The following CADM2 variants were observed in gnomAD, a reference collection of about 807,000 sequenced individuals.
CADM2 encodes cell adhesion molecule 2.
A neutral mutation model predicts 49.8 loss-of-function variants in CADM2; 12 were observed. The observed-to-expected ratio is 0.24, with a 90% confidence interval of 0.15 to 0.39. CADM2 has a LOEUF of 0.39. Ranked by LOEUF, CADM2 falls within the 10% of genes least tolerant of loss-of-function variation. CADM2 has a pLI of 1.00. For synonymous variants in CADM2, 214 were observed against 175.4 expected, an observed-to-expected ratio of 1.22 and a Z score of -1.74; for missense variants, 378 against 492.3, an observed-to-expected ratio of 0.77 and a Z score of 2.20.
chr3:85,760,339 CT>C (rs11452370), intron 2 of CADM2, among the ~76,000 whole-genome samples: 31 of 146,880 alleles, frequency 2.1e-4, no homozygotes, highest in Admixed American at 2.7e-4. Context: ...ATGGATACTT[CT>C]TTTTTTTTTT....
At chr3:85,188,577 TG>T (rs1049871465) in intron 1 of CADM2, among the ~76,000 whole-genome samples, 55 of 152,146 alleles carry the variant, frequency 3.6e-4, no homozygotes, top group African/African-American at 1.2e-3. Context: ...GAATTCAAGT[TG>T]TTTTTTTTCA....
At chr3:85,451,368 G>C (rs1395585467) in intron 1 of CADM2, among the ~76,000 whole-genome samples, 2 of 151,970 alleles carry the variant, frequency 1.3e-5, no homozygotes, top group African/African-American at 4.8e-5. Context: ...AATTGTTTTA[G>C]GAAAAGGAAT....
intron 1 of CADM2, among the ~76,000 whole-genome samples, chr3:85,723,174 A>G (rs1429571637): frequency 1.3e-5 from 2 of 152,154 alleles, no homozygotes; most frequent in Non-Finnish European, 2.9e-5. Context: ...TTACAATTTT[A>G]ATATTATAAC....
At chr3:85,867,297 A>G (rs2075759908) in intron 3 of CADM2, among the ~76,000 whole-genome samples, 1 of 152,044 alleles carries the variant, frequency 6.6e-6, no homozygotes, top group Non-Finnish European at 1.5e-5. Context: ...TTGTGTCACC[A>G]TCACAGACAA....
intron 1 of CADM2, among the ~76,000 whole-genome samples, chr3:85,014,370 G>A (rs1354856089): frequency 1.3e-5 from 2 of 151,730 alleles, no homozygotes; most frequent in South Asian, 2.1e-4. Context: ...AGTTATTGTT[G>A]TTAATCTCTT....
intron 1 of CADM2, among the ~76,000 whole-genome samples, chr3:85,723,462 G>A (rs1432075348): frequency 6.6e-6 from 1 of 152,052 alleles, no homozygotes; most frequent in Non-Finnish European, 1.5e-5. Flanking sequence ...TGACATTCAT[G>A]ACAGTATTCC....
chr3:85,101,030 C>T (rs765433435), intron 1 of CADM2, among the ~76,000 whole-genome samples: 12 of 152,006 alleles, frequency 7.9e-5, no homozygotes, highest in Non-Finnish European at 1.5e-4. Flanking sequence ...CCAAGGCAGG[C>T]GGATCACAAG....
At chr3:85,495,347 A>C (rs1205164739) in intron 1 of CADM2, among the ~76,000 whole-genome samples, 3 of 152,172 alleles carry the variant, frequency 2.0e-5, no homozygotes, top group Admixed American at 1.3e-4. Flanking sequence ...GAACCCCTAA[A>C]TCATTTATAC....
rs1421114529 is a variant in CADM2, at chr3:85,769,607, CAT to C, written c.89-32434_89-32433del. On this transcript the variant is annotated intron_variant, in intron 2 of 9. Coordinates refer to ENST00000383699, the MANE Select transcript of CADM2 (RefSeq NM_001167675.2). ...CATATATAGTATATACACATATATACATATATACATATATAGTATATATATAC... is the reference window on the plus strand; with the variant it reads ...CATATATAGTATATACACATATATACATATACATATATAGTATATATATAC... 4.1e-5 allele frequency among the ~76,000 whole-genome samples: 4 copies of C among 96,730 alleles called. 1 individual carries two copies. The highest frequency in any genetic ancestry group is 8.4e-5 in the Non-Finnish European group (4 of 47,744). The allele number at this position is 96,730 out of a possible 152,430, so 63.5% of individuals were successfully genotyped here. A position where few individuals can be genotyped will look rare whatever the true frequency, so the allele number is the denominator to read the frequency against.
chr3:85,505,699 C>T (rs1234614402), intron 1 of CADM2, among the ~76,000 whole-genome samples: 2 of 152,162 alleles, frequency 1.3e-5, no homozygotes, highest in Non-Finnish European at 2.9e-5. Flanking sequence ...AAACTTTTAT[C>T]TGTGTACCAG....
At chr3:85,713,019 A>G (rs995919170) in intron 1 of CADM2, among the ~76,000 whole-genome samples, 1 of 152,198 alleles carries the variant, frequency 6.6e-6, no homozygotes, top group African/African-American at 2.4e-5. Context: ...AGATGTAGTC[A>G]TAGATCTTCA....
At chr3:85,647,555 TAGAG>T (rs536382222) in intron 1 of CADM2, among the ~76,000 whole-genome samples, 5 of 151,780 alleles carry the variant, frequency 3.3e-5, no homozygotes, top group Non-Finnish European at 7.4e-5. Flanking sequence ...TTTTTTTGCA[TAGAG>T]AGTGTTTTTG....
intron 5 of CADM2, among the ~76,000 whole-genome samples, chr3:85,908,473 C>A (rs1717107537): frequency 6.6e-6 from 1 of 151,570 alleles, no homozygotes; most frequent in African/African-American, 2.4e-5. Flanking sequence ...AGTCCTTTAT[C>A]TTGAGACTTT....
rs2037350528 is a variant in CADM2 at position 85,085,891 on chromosome 3, AT to A, written c.61+126226del. Among the ~76,000 whole-genome samples the A allele has an allele frequency of 3.9e-5, 6 of 152,084 alleles. No homozygotes were observed. In the South Asian group the frequency reaches 1.2e-3, roughly 31 times the overall value. ...GCAGCACATTTGATCACCTGGGAGTATTTAAAGAACAATTTTTCATGGGTAG... is the reference window on the plus strand; with the variant it reads ...GCAGCACATTTGATCACCTGGGAGTATTAAAGAACAATTTTTCATGGGTAG... On this transcript the variant is annotated intron_variant, in intron 1 of 9. Transcript: ENST00000383699.
At chr3:85,294,289 A>G (rs1040573703) in intron 1 of CADM2, among the ~76,000 whole-genome samples, 1 of 152,202 alleles carries the variant, frequency 6.6e-6, no homozygotes, top group Non-Finnish European at 1.5e-5. Context: ...GAAATAAAAG[A>G]GGATACAAAC....
At position 85,766,726 on chromosome 3, in the gene CADM2, C is replaced by T. The variant is rs149151549; in HGVS notation, c.89-35321C>T. On this transcript the variant is annotated intron_variant, in intron 2 of 9. Coordinates refer to ENST00000383699, the MANE Select transcript of CADM2 (RefSeq NM_001167675.2). Reference sequence around the variant, plus strand: ...ATGCTTCTGATATGTTGATGAGTCCCATTGTCCAATTTTATCATGAGCTTT... The same window carrying T: ...ATGCTTCTGATATGTTGATGAGTCCTATTGTCCAATTTTATCATGAGCTTT... 3.3e-3 allele frequency among the ~76,000 whole-genome samples: 504 copies of T among 152,294 alleles called. 4 individuals carry two copies. The highest frequency in any genetic ancestry group is 0.012 in the African/African-American group (482 of 41,570).
rs1015099493 is a variant in CADM2 at position 85,547,601 on chromosome 3, G to T, written c.62-178921G>T. Among the ~76,000 whole-genome samples, 2 of 152,084 alleles carry T rather than the reference G, an allele frequency of 1.3e-5. 1 individual carries two copies. Among genetic ancestry groups the T allele is most frequent in the Admixed American group, 1.3e-4 (2 of 15,262 alleles). On this transcript the variant is annotated intron_variant, in intron 1 of 9. Transcript: ENST00000383699. ...TCACAGATTCTCTAGCTTTAATATA[G>T]GAAAGGAATTTGTGATTGCTTAGGC...
At chr3:85,207,472 A>G (rs985322129) in intron 1 of CADM2, among the ~76,000 whole-genome samples, 2 of 152,104 alleles carry the variant, frequency 1.3e-5, no homozygotes, top group Admixed American at 1.3e-4. Context: ...TATTCTTCTC[A>G]TGTCTTTCTA....
intron 1 of CADM2, among the ~76,000 whole-genome samples, chr3:85,011,113 C>T (rs903204929): frequency 1.3e-5 from 2 of 152,008 alleles, no homozygotes; most frequent in Non-Finnish European, 1.5e-5. Flanking sequence ...ATCCGCCCGC[C>T]TCAGCCTCCC....
Sources: allele counts gnomAD v4.1 joint callset (sites outside exome capture counted in the v4.1 genomes callset), GRCh38; gene constraint gnomAD v4.1.1; transcripts MANE v1.5; gene names NCBI Gene and HGNC (gene_info 2026-07-23, HGNC 2026-07-21).